CAP2: variants seen among roughly 807,000 people sequenced by gnomAD.
CAP2 encodes the protein adenylyl cyclase-associated protein 2.
In CAP2, 24 loss-of-function variants were observed where a neutral mutation model predicts 57.7. That is an observed-to-expected ratio of 0.42 (90% CI 0.30 to 0.58). CAP2 has a LOEUF of 0.58. CAP2 is among the 20% of genes least tolerant of loss of function. CAP2 has a pLI of 0.22. For synonymous variants in CAP2, 194 were observed against 207.2 expected (o/e 0.94, Z 0.55); for missense variants, 501 against 590.3 (o/e 0.85, Z 1.57).
At position 17,540,912 on chromosome 6, in the gene CAP2, G is replaced by A. The variant is rs1006526271; in HGVS notation, c.827-61G>A. ...TCTTTATTTACATCATGTTGATCTAGCAAGTTAGAGACATTTCCCTTTGCA... is the reference window on the plus strand; with the variant it reads ...TCTTTATTTACATCATGTTGATCTAACAAGTTAGAGACATTTCCCTTTGCA... On this transcript the variant is annotated intron_variant, in intron 8 of 12. Coordinates refer to ENST00000229922, the MANE Select transcript of CAP2 (RefSeq NM_006366.3). The A allele has an allele frequency of 4.4e-5, 65 of 1,478,412 alleles. 1 individual carries two copies. The South Asian group carries it at 8.2e-4, about 19-fold the overall frequency. 91.6% of individuals were successfully genotyped at this position (1,478,412 alleles called of 1,614,324 possible). A position where few individuals can be genotyped will look rare whatever the true frequency, so the allele number is the denominator to read the frequency against.
chr6:17,422,346 C>CTTTTTTT (rs11320178), intron 2 of CAP2, among the ~76,000 whole-genome samples: 4 of 90,258 alleles, frequency 4.4e-5, no homozygotes, highest in Non-Finnish European at 8.3e-5. Flanking sequence ...ACCAACTATG[C>CTTTTTTT]TTTTTTTTTT....
chr6:17,467,195 G>A (rs546588548), intron 4 of CAP2, among the ~76,000 whole-genome samples: 4 of 152,152 alleles, frequency 2.6e-5, no homozygotes, highest in Admixed American at 6.5e-5. Context: ...CCCTGAGAGA[G>A]AACCTAGCTC....
intron 7 of CAP2, among the ~76,000 whole-genome samples, chr6:17,526,466 C>T (rs1027542747): frequency 6.6e-6 from 1 of 152,094 alleles, no homozygotes; most frequent in East Asian, 1.9e-4. Context: ...ATGGACAATG[C>T]ATTTTATTCA....
At chr6:17,516,583 G>A (rs187835202) in intron 7 of CAP2, among the ~76,000 whole-genome samples, 1 of 152,186 alleles carries the variant, frequency 6.6e-6, no homozygotes, top group East Asian at 1.9e-4. Flanking sequence ...GTAACCAAAC[G>A]CCATCTCTTC....
intron 7 of CAP2, among the ~76,000 whole-genome samples, chr6:17,514,784 T>G (rs1762233011): frequency 6.6e-6 from 1 of 152,120 alleles, no homozygotes; most frequent in African/African-American, 2.4e-5. Flanking sequence ...AGGAAATGGC[T>G]AAGTCGTCCA....
intron 8 of CAP2, among the ~76,000 whole-genome samples, chr6:17,540,756 AAACAACAAC>A (rs376461452): frequency 6.6e-5 from 10 of 152,098 alleles, no homozygotes; most frequent in African/African-American, 1.9e-4. Context: ...TCCATTTAAA[AAACAACAAC>A]AACAACAACA....
intron 3 of CAP2, among the ~76,000 whole-genome samples, chr6:17,459,455 A>G (rs1214903805): frequency 6.6e-6 from 1 of 152,242 alleles, no homozygotes; most frequent in East Asian, 1.9e-4. Context: ...TGCAAGATGG[A>G]AAGAGCCAAT....
intron 4 of CAP2, among the ~76,000 whole-genome samples, chr6:17,472,599 T>A (rs1447691015): frequency 6.6e-6 from 1 of 152,242 alleles, no homozygotes; most frequent in African/African-American, 2.4e-5. Flanking sequence ...TTTTTCCTTT[T>A]CCTATGAGCC....
intron 7 of CAP2, among the ~76,000 whole-genome samples, chr6:17,535,963 C>T (rs959151887): frequency 7.9e-5 from 12 of 152,112 alleles, no homozygotes; most frequent in Non-Finnish European, 1.2e-4. Flanking sequence ...GGATTACAGG[C>T]GTGAGCCACC....
intron 4 of CAP2, among the ~76,000 whole-genome samples, chr6:17,477,947 A>G (rs1761191355): frequency 6.7e-6 from 1 of 149,736 alleles, no homozygotes; most frequent in South Asian, 2.1e-4. Flanking sequence ...TAACTTATAT[A>G]ATTACTAACT....
chr6:17,496,027 T>TGGCGGTG (rs3075209), intron 4 of CAP2, among the ~76,000 whole-genome samples: 877 of 44,308 alleles, frequency 0.02, 64 homozygotes, highest in Middle Eastern at 0.033. Context: ...CGTGTGTGGG[T>TGGCGGTG]GGGGGGGGGG....
chr6:17,395,321 A>G (rs112581677), intron 1 of CAP2, among the ~76,000 whole-genome samples: 3 of 152,336 alleles, frequency 2.0e-5, no homozygotes, highest in African/African-American at 7.2e-5. Context: ...TAAAGACAAT[A>G]CCTAAAGGAA....
At chr6:17,412,166 C>T (rs1759156286) in intron 1 of CAP2, among the ~76,000 whole-genome samples, 1 of 152,076 alleles carries the variant, frequency 6.6e-6, no homozygotes, top group Admixed American at 6.6e-5. Flanking sequence ...CCTCAGTTCT[C>T]ACTGGGCTCC....
chr6:17,415,414 G>A (rs1441142176), intron 1 of CAP2, among the ~76,000 whole-genome samples: 4 of 152,226 alleles, frequency 2.6e-5, no homozygotes, highest in Non-Finnish European at 4.4e-5. Context: ...GCTCTTTCAA[G>A]TCATGGGAGG....
intron 4 of CAP2, among the ~76,000 whole-genome samples, chr6:17,503,678 A>G (rs552140165): frequency 1.3e-5 from 2 of 151,946 alleles, no homozygotes; most frequent in Non-Finnish European, 2.9e-5. Flanking sequence ...TTTTAATTTA[A>G]TCATTTCTTT....
chr6:17,525,999 T>C (rs778442930), intron 7 of CAP2, among the ~76,000 whole-genome samples: 1 of 152,130 alleles, frequency 6.6e-6, no homozygotes, highest in Non-Finnish European at 1.5e-5. Flanking sequence ...TGAAAACAGA[T>C]AGGATTCAAA....
chr6:17,489,893 C>T (rs1395178850), intron 4 of CAP2, among the ~76,000 whole-genome samples: 1 of 151,822 alleles, frequency 6.6e-6, no homozygotes, highest in East Asian at 1.9e-4. Flanking sequence ...GGGGTGCTAA[C>T]GTCCTCCAAA....
intron 1 of CAP2, among the ~76,000 whole-genome samples, chr6:17,394,957 C>A: frequency 6.6e-6 from 1 of 152,078 alleles, no homozygotes; most frequent in Non-Finnish European, 1.5e-5. Context: ...TGGAGCATGA[C>A]TTCTTGAATA....
chr6:17,407,677 G>A (rs940426170), intron 1 of CAP2, among the ~76,000 whole-genome samples: 18 of 151,422 alleles, frequency 1.2e-4, no homozygotes, highest in Non-Finnish European at 2.7e-4. Flanking sequence ...AACTCAGGAG[G>A]CTGAGGCAGG....
Sources: gnomAD v4.1 joint callset for allele counts (sites outside exome capture counted in the v4.1 genomes callset) on GRCh38, gnomAD v4.1.1 for gene constraint, MANE v1.5 for transcripts, NCBI Gene and HGNC (gene_info 2026-07-23, HGNC 2026-07-21) for gene names.